The following ERCC8 variants were observed in gnomAD, a reference collection of about 807,000 sequenced individuals.
ERCC8 encodes DNA excision repair protein ERCC-8.
ERCC8 carries 52 observed loss-of-function variants against 54.9 expected under a neutral mutation model. The ratio of observed to expected loss-of-function variants is 0.95; its 90% CI spans 0.76 to 1.19. The LOEUF (loss-of-function observed/expected upper bound fraction) is 1.19, where lower values mean the gene tolerates loss of function less well. Ranked by LOEUF, ERCC8 falls within the 50% of genes most tolerant of loss-of-function variation. The pLI is 0.00. For synonymous variants in ERCC8, 146 were observed against 157.2 expected (o/e 0.93, Z 0.53); for missense variants, 514 against 466.1 (o/e 1.10, Z -0.95).
At chr5:60,883,468 T>C (rs534689707) in intron 11 of ERCC8, among the ~76,000 whole-genome samples, 13 of 152,308 alleles carry the variant, frequency 8.5e-5, no homozygotes, top group African/African-American at 2.9e-4. Flanking sequence ...TCTCACCAGG[T>C]TGTCAATTCT....
chr5:60,895,970 T>C (rs191314637), intron 9 of ERCC8, among the ~76,000 whole-genome samples: 2 of 151,080 alleles, frequency 1.3e-5, no homozygotes, highest in Admixed American at 1.3e-4. Flanking sequence ...CTTAATGTCA[T>C]ATTAATATTT....
intron 11 of ERCC8, among the ~76,000 whole-genome samples, chr5:60,878,660 G>T (rs182327): frequency 1.3e-5 from 2 of 152,194 alleles, no homozygotes; most frequent in Non-Finnish European, 2.9e-5. Flanking sequence ...TATTTGCATA[G>T]AGGTGTTTAT....
rs374386779 is a variant in ERCC8, at chr5:60,891,031, G to A, written c.899C>T (p.Ser300Phe). The change falls in exon 10 of 12, where the codon TCC becomes TTC. Residue 300 changes from serine to phenylalanine, a missense_variant. Coordinates refer to ENST00000676185, the MANE Select transcript of ERCC8 (RefSeq NM_000082.4). ...NSKKGLKFTV[S>F]CGCSSEFVFV... is the part of the protein sequence containing the mutation. ...AACAAATTCTGAACTGCAGCCACAG[G>A]AGACAGTGAATTTCAATCCTTTTTT... 6.2e-7 allele frequency: 1 copy of A among 1,613,350 alleles called. No individual in the cohort carries two copies. The highest frequency in any genetic ancestry group is 8.5e-7 in the Non-Finnish European group (1 of 1,179,760).
chr5:60,878,883 A>C (rs1196073194), intron 11 of ERCC8, among the ~76,000 whole-genome samples: 1 of 151,800 alleles, frequency 6.6e-6, no homozygotes, highest in Non-Finnish European at 1.5e-5. Context: ...TTCTGCTCTG[A>C]CCTTAGTTAT....
At chr5:60,913,324 G>A (rs768366104) in intron 4 of ERCC8, among the ~76,000 whole-genome samples, 1 of 151,950 alleles carries the variant, frequency 6.6e-6, no homozygotes, top group African/African-American at 2.4e-5. Flanking sequence ...GTCTTGGGAG[G>A]GTGTGTGTGT....
At chr5:60,903,459 A>C (rs1748958876) in intron 6 of ERCC8, 189 bp downstream of exon 6, 1 of 886,718 alleles carries the variant, frequency 1.1e-6, no homozygotes, top group Non-Finnish European at 1.7e-6. Context: ...TTGTTCATAT[A>C]AATGTGTTTT....
chr5:60,930,729 T>C (rs948910194), intron 1 of ERCC8, among the ~76,000 whole-genome samples: 2 of 152,062 alleles, frequency 1.3e-5, no homozygotes, highest in South Asian at 2.1e-4. Context: ...TACATCTATA[T>C]ACATTGCAAT....
At chr5:60,893,093 G>A in intron 9 of ERCC8, 2 of 774,370 alleles carry the variant, frequency 2.6e-6, no homozygotes, top group South Asian at 1.4e-5. Context: ...TCAAGACCAG[G>A]ACCAGCTTCT....
At chr5:60,904,164 GA>G (rs1748985564) in intron 5 of ERCC8, among the ~76,000 whole-genome samples, 1 of 151,934 alleles carries the variant, frequency 6.6e-6, no homozygotes, top group Non-Finnish European at 1.5e-5. Context: ...CCAAGTTAAT[GA>G]TATACTTCCA....
At chr5:60,939,427 G>A (rs1225309328) in intron 1 of ERCC8, among the ~76,000 whole-genome samples, 1 of 152,054 alleles carries the variant, frequency 6.6e-6, no homozygotes, top group African/African-American at 2.4e-5. Context: ...TTAGCACAAA[G>A]ATATTTCTTC....
At chr5:60,928,491 CA>C (rs958236915) in intron 2 of ERCC8, among the ~76,000 whole-genome samples, 1 of 152,136 alleles carries the variant, frequency 6.6e-6, no homozygotes, top group Non-Finnish European at 1.5e-5. Context: ...TCTAATTCTT[CA>C]AAAGAGTCTT....
At chr5:60,906,431 C>T (rs551729140) in intron 4 of ERCC8, among the ~76,000 whole-genome samples, 1 of 151,140 alleles carries the variant, frequency 6.6e-6, no homozygotes, top group Non-Finnish European at 1.5e-5. Flanking sequence ...GGGCTATTAT[C>T]ATTTAAACTA....
Position 60,868,111 on chromosome 5 carries a change from C to T in ERCC8, c.*6504G>A, listed in dbSNP as rs536828007. On this transcript the variant is annotated 3_prime_UTR_variant, in exon 12 of 12. Transcript: ENST00000676185. ...AGGAGAATCGCTTGAACCCAGGAGG[C>T]GGAGGTTGCGGTGAGCTGAGGTCAC... 5.9e-5 allele frequency among the ~76,000 whole-genome samples: 9 copies of T among 152,296 alleles called. No homozygotes were observed. In the East Asian group the frequency reaches 9.7e-4, roughly 16 times the overall value.
chr5:60,924,000 T>A (rs1456568437), intron 2 of ERCC8, among the ~76,000 whole-genome samples: 1 of 152,136 alleles, frequency 6.6e-6, no homozygotes, highest in Non-Finnish European at 1.5e-5. Flanking sequence ...CTTTGCTTTT[T>A]AAAAAAATTT....
At chr5:60,902,106 T>C (rs1404396875) in intron 7 of ERCC8, among the ~76,000 whole-genome samples, 1 of 152,080 alleles carries the variant, frequency 6.6e-6, no homozygotes, top group African/African-American at 2.4e-5. Flanking sequence ...TGTGGATATG[T>C]TACATCAAAT....
intron 9 of ERCC8, among the ~76,000 whole-genome samples, 197 bp downstream of exon 9, chr5:60,898,079 T>C (rs1458548499): frequency 6.6e-6 from 1 of 152,264 alleles, no homozygotes; most frequent in South Asian, 2.1e-4. Flanking sequence ...CTCTGCTAAG[T>C]AGGGAGAATG....
intron 11 of ERCC8, among the ~76,000 whole-genome samples, chr5:60,877,577 A>C (rs1455744183): frequency 6.6e-6 from 1 of 151,196 alleles, no homozygotes; most frequent in African/African-American, 2.4e-5. Context: ...GATCTCCTTG[A>C]AGAGGTCCTT....
intron 4 of ERCC8, among the ~76,000 whole-genome samples, chr5:60,916,657 G>T (rs1286039891): frequency 6.6e-6 from 1 of 151,688 alleles, no homozygotes; most frequent in Non-Finnish European, 1.5e-5. Flanking sequence ...TGAAATAATA[G>T]GACTATTCTA....
chr5:60,893,233 A>AG (rs1748619923), intron 9 of ERCC8: 1 of 1,007,088 alleles, frequency 9.9e-7, no homozygotes, highest in African/African-American at 1.6e-5. Flanking sequence ...CCTTGTAATA[A>AG]GCCTTCATAG....
Sources: gnomAD v4.1 joint callset for allele counts (sites outside exome capture counted in the v4.1 genomes callset) on GRCh38, gnomAD v4.1.1 for gene constraint, MANE v1.5 for transcripts, NCBI Gene and HGNC (gene_info 2026-07-23, HGNC 2026-07-21) for gene names.